Variants in NALCN observed in about 807,000 individuals in gnomAD.
The protein encoded by NALCN is sodium leak channel, non-selective.
In NALCN, 111 loss-of-function variants were observed where a neutral mutation model predicts 225.3. That is an observed-to-expected ratio of 0.49 (90% confidence interval 0.42 to 0.58). The LOEUF is 0.58. Ranked by LOEUF, NALCN falls within the 20% of genes least tolerant of loss-of-function variation. The pLI is 0.00. For synonymous variants in NALCN, 764 were observed against 769.0 expected (o/e 0.99, Z 0.11); for missense variants, 1,378 against 2,202.4 (o/e 0.63, Z 7.49).
chr13:101,132,681 C>G (rs1203915917), intron 17 of NALCN, among the ~76,000 whole-genome samples: 1 of 152,064 alleles, frequency 6.6e-6, no homozygotes, highest in East Asian at 1.9e-4. Flanking sequence ...TCTAAGTTCA[C>G]TCAGATAATA....
At chr13:101,386,048 C>G (rs1436304281) in intron 3 of NALCN, among the ~76,000 whole-genome samples, 1 of 152,014 alleles carries the variant, frequency 6.6e-6, no homozygotes, top group Non-Finnish European at 1.5e-5. Context: ...TTTAAATTTA[C>G]TTAATAACAG....
intron 7 of NALCN, among the ~76,000 whole-genome samples, chr13:101,330,676 A>G (rs1398887392): frequency 6.6e-6 from 1 of 152,130 alleles, no homozygotes; most frequent in African/African-American, 2.4e-5. Context: ...CTGTGTTTCC[A>G]CCCAAATGTC....
chr13:101,327,676 T>C (rs2045009917), intron 7 of NALCN, among the ~76,000 whole-genome samples: 1 of 152,142 alleles, frequency 6.6e-6, no homozygotes, highest in Non-Finnish European at 1.5e-5. Context: ...TCAAGGAACA[T>C]CGAGTCAGGG....
intron 12 of NALCN, among the ~76,000 whole-genome samples, chr13:101,230,796 T>A (rs2041313643): frequency 6.6e-6 from 1 of 152,032 alleles, no homozygotes; most frequent in South Asian, 2.1e-4. Context: ...GGATCTTTGT[T>A]ATATGTACTC....
In NALCN at chr13:101,095,639, T is replaced by A; in HGVS notation, c.3204A>T (p.Ser1068=). 6.2e-7 allele frequency: 1 copy of A among 1,613,344 alleles called. No individual in the cohort carries two copies. Among genetic ancestry groups the A allele is most frequent in the South Asian group, 1.1e-5 (1 of 90,954 alleles). Residue 1068 remains serine, a synonymous_variant, in exon 28 of 44, where the codon TCA becomes TCT. Transcript: ENST00000251127. The part of the protein sequence containing the change: ...NGIFRINVSV[S]KNLNLKLRPG... ...GCCTCAATTTTAAATTTAAGTTCTT[T>A]GACACACTGACATTAATTCTGAATA...
chr13:101,104,761 A>G lies in NALCN; in HGVS notation c.2637-111T>C. 2 of 1,555,476 alleles carry G rather than the reference A, an allele frequency of 1.3e-6. No individual in the cohort carries two copies. Among genetic ancestry groups the G allele is most frequent in the Non-Finnish European group, 1.8e-6 (2 of 1,137,966 alleles). On this transcript the variant is annotated intron_variant, in intron 23 of 43. Transcript: ENST00000251127. This position sits in a 1 kb window ranked among gnomAD's most constrained non-coding sequence, Gnocchi z 4.2. ...TCAACATGACTGGTATTTTAAAAACATCATTCCCCAATCATCTATTTCATA... is the reference window on the plus strand; with the variant it reads ...TCAACATGACTGGTATTTTAAAAACGTCATTCCCCAATCATCTATTTCATA...
intron 7 of NALCN, among the ~76,000 whole-genome samples, chr13:101,318,862 T>C (rs1242744925): frequency 6.6e-6 from 1 of 152,178 alleles, no homozygotes; most frequent in African/African-American, 2.4e-5. Context: ...CATCTTTTTT[T>C]TAGTGAAGAA....
chr13:101,313,716 C>G (rs1046579282), intron 7 of NALCN, among the ~76,000 whole-genome samples: 1 of 152,178 alleles, frequency 6.6e-6, no homozygotes, highest in Non-Finnish European at 1.5e-5. Flanking sequence ...GTTGGTAGGA[C>G]TATAAACTAG....
At chr13:101,362,023 C>A (rs77515961) in intron 6 of NALCN, among the ~76,000 whole-genome samples, 4,891 of 151,770 alleles carry the variant, frequency 0.032, 268 homozygotes, top group African/African-American at 0.11. Flanking sequence ...ATATTATTAT[C>A]ATATGAAAGG....
intron 1 of NALCN, among the ~76,000 whole-genome samples, chr13:101,415,204 C>CATATATATATATATATATATATAT (rs1566668976): frequency 6.5e-5 from 2 of 30,552 alleles, no homozygotes; most frequent in African/African-American, 2.1e-4. Flanking sequence ...ATACAAATCA[C>CATATATATATATATATATATATAT]ACACATATAT....
At position 101,089,781 on chromosome 13, in the gene NALCN, G is replaced by A; in HGVS notation, c.3391-20C>T. On this transcript the variant is annotated intron_variant, in intron 29 of 43. Coordinates refer to ENST00000251127, the MANE Select transcript of NALCN (RefSeq NM_052867.4). This position sits in a 1 kb window ranked among gnomAD's most constrained non-coding sequence, Gnocchi z 4.7. The stretch of plus-strand genomic sequence containing the variant: ...ATGGATCTGCATAAAGGAAAATATG[G>A]TTATTCATCAAAACAAATGAAAGCT... 6.2e-7 allele frequency: 1 copy of A among 1,613,904 alleles called. No homozygotes were observed. The highest frequency in any genetic ancestry group is 8.5e-7 in the Non-Finnish European group (1 of 1,179,882).
intron 11 of NALCN, among the ~76,000 whole-genome samples, chr13:101,254,208 C>G (rs1280332366): frequency 2.0e-5 from 3 of 151,628 alleles, no homozygotes; most frequent in Non-Finnish European, 2.9e-5. Flanking sequence ...CATGGCGAAA[C>G]CCCATCTCTA....
intron 11 of NALCN, among the ~76,000 whole-genome samples, chr13:101,241,646 T>C (rs1368745560): frequency 2.0e-5 from 3 of 152,136 alleles, no homozygotes; most frequent in Admixed American, 1.3e-4. Flanking sequence ...TTTCACCATG[T>C]TGGCCAGGTT....
chr13:101,144,388 A>G (rs1464511465), intron 16 of NALCN, among the ~76,000 whole-genome samples: 1 of 152,192 alleles, frequency 6.6e-6, no homozygotes, highest in African/African-American at 2.4e-5. Context: ...CCACAGAGGC[A>G]ATTTTAGTCT....
intron 17 of NALCN, among the ~76,000 whole-genome samples, chr13:101,134,513 A>T (rs1412597689): frequency 1.3e-5 from 2 of 152,202 alleles, no homozygotes; most frequent in African/African-American, 4.8e-5. Context: ...TATATTTGAA[A>T]ATTGAATTAA....
intron 13 of NALCN, among the ~76,000 whole-genome samples, chr13:101,197,648 G>A (rs1464541519): frequency 1.3e-5 from 2 of 152,098 alleles, no homozygotes; most frequent in Non-Finnish European, 2.9e-5. Flanking sequence ...ACTGCACCAG[G>A]GATGAGCAGT....
intron 15 of NALCN, among the ~76,000 whole-genome samples, chr13:101,146,316 T>G (rs539785916): frequency 3.3e-4 from 51 of 152,332 alleles, no homozygotes; most frequent in African/African-American, 1.1e-3. Context: ...TGCTGTTCGT[T>G]GCCTTCCTCC....
intron 13 of NALCN, among the ~76,000 whole-genome samples, chr13:101,212,113 T>TATGG (rs2040547341): frequency 1.3e-5 from 2 of 152,326 alleles, no homozygotes; most frequent in Admixed American, 1.3e-4. Flanking sequence ...TGTCCCTCCA[T>TATGG]GCCTGTGATT....
chr13:101,359,298 A>G (rs1033277113), intron 6 of NALCN, among the ~76,000 whole-genome samples: 1 of 152,232 alleles, frequency 6.6e-6, no homozygotes, highest in South Asian at 2.1e-4. Context: ...AGTTCTGAAA[A>G]AAATTATTAG....
Sources: allele counts gnomAD v4.1 joint callset (sites outside exome capture counted in the v4.1 genomes callset), GRCh38; gene constraint gnomAD v4.1.1; non-coding constraint Gnocchi (gnomAD v3.1); transcripts MANE v1.5; gene names NCBI Gene and HGNC (gene_info 2026-07-23, HGNC 2026-07-21).